The following MAST4 variants were observed in gnomAD, a reference collection of about 807,000 sequenced individuals.
The protein encoded by MAST4 is microtubule associated serine/threonine kinase family member 4.
Under a neutral mutation model 162.7 loss-of-function variants are expected in MAST4, and 89 were observed. The observed-to-expected ratio is 0.55, with a 90% CI of 0.46 to 0.65. The LOEUF is 0.65. Among genes scored for constraint, MAST4 ranks in the 30% least tolerant of loss-of-function variants. The probability of loss-of-function intolerance (pLI) is 0.00; values close to 1 mark genes in which losing one functional copy is unlikely to be tolerated. For missense variants in MAST4, 3,153 were observed against 3,374.0 expected, an observed-to-expected ratio of 0.93 and a Z score of 1.62; for synonymous variants, 1,479 against 1,361.1, an observed-to-expected ratio of 1.09 and a Z score of -1.91.
chr5:66,979,158 T>C (rs1325861717), intron 4 of MAST4, among the ~76,000 whole-genome samples: 1 of 152,162 alleles, frequency 6.6e-6, no homozygotes, highest in East Asian at 1.9e-4. Flanking sequence ...GTTAGTAATA[T>C]CGAACCTAAA....
chr5:67,107,480 G>T (rs1765725948), intron 10 of MAST4, among the ~76,000 whole-genome samples: 1 of 152,196 alleles, frequency 6.6e-6, no homozygotes, highest in Middle Eastern at 3.2e-3. Context: ...GCTTCCTTCA[G>T]CCCTTTTGTA....
chr5:66,631,110 G>A (rs1212855877), intron 1 of MAST4, among the ~76,000 whole-genome samples: 1 of 152,086 alleles, frequency 6.6e-6, no homozygotes, highest in Non-Finnish European at 1.5e-5. Context: ...CCATGGATCT[G>A]GAAACCAGGT....
chr5:66,790,849 G>A (rs1755364006), intron 3 of MAST4, among the ~76,000 whole-genome samples: 2 of 151,956 alleles, frequency 1.3e-5, no homozygotes, highest in African/African-American at 4.8e-5. Flanking sequence ...ACTTTTTAAG[G>A]AAAGAGGAAA....
intron 3 of MAST4, among the ~76,000 whole-genome samples, chr5:66,866,577 G>T (rs1760537698): frequency 6.6e-6 from 1 of 152,138 alleles, no homozygotes; most frequent in Non-Finnish European, 1.5e-5. Context: ...TACGTTCAGG[G>T]ATCTCTTTAA....
intron 4 of MAST4, among the ~76,000 whole-genome samples, chr5:66,990,572 G>A (rs1348122917): frequency 1.3e-5 from 2 of 152,288 alleles, no homozygotes; most frequent in South Asian, 2.1e-4. Flanking sequence ...CAGGGAGATC[G>A]AGGCTGTAGT....
chr5:66,919,997 T>G (rs1199243915), intron 4 of MAST4, among the ~76,000 whole-genome samples: 2 of 150,664 alleles, frequency 1.3e-5, no homozygotes, highest in East Asian at 2.0e-4. Context: ...TCTCTCTCTC[T>G]CTTTCTAATG....
Position 67,100,609 on chromosome 5 carries a change from G to A in MAST4, c.1070+17G>A, listed in dbSNP as rs1166901558. The A allele has an allele frequency of 1.2e-6, 2 of 1,613,642 alleles. No homozygotes were observed. Among genetic ancestry groups the A allele is most frequent in the East Asian group, 2.2e-5 (1 of 44,882 alleles). On this transcript the variant is annotated intron_variant, in intron 8 of 28. Transcript: ENST00000403625. ...AAGTCTGAGGTGTGTGGGCCTGGCT[G>A]AAAACCATTACTTAGTTGGATTCTC...
At chr5:66,932,420 A>T (rs1742282722) in intron 4 of MAST4, among the ~76,000 whole-genome samples, 1 of 152,188 alleles carries the variant, frequency 6.6e-6, no homozygotes, top group Admixed American at 6.5e-5. Flanking sequence ...GAGGTGACTG[A>T]GATCTCAAGG....
chr5:67,023,328 C>G (rs528036879), intron 4 of MAST4, among the ~76,000 whole-genome samples: 1 of 152,216 alleles, frequency 6.6e-6, no homozygotes, highest in East Asian at 1.9e-4. Flanking sequence ...GATAATATCC[C>G]TCATCTTTTC....
At chr5:66,727,476 C>T (rs1271139424) in intron 1 of MAST4, among the ~76,000 whole-genome samples, 1 of 152,094 alleles carries the variant, frequency 6.6e-6, no homozygotes, top group Non-Finnish European at 1.5e-5. Flanking sequence ...CTTTGTGGTC[C>T]AGTGTATCCA....
intron 1 of MAST4, among the ~76,000 whole-genome samples, chr5:66,708,567 C>T (rs1580255957): frequency 6.6e-6 from 1 of 152,124 alleles, no homozygotes; most frequent in African/African-American, 2.4e-5. Flanking sequence ...GTTCTGACCT[C>T]CTTGTCTGAA....
intron 3 of MAST4, among the ~76,000 whole-genome samples, chr5:66,866,700 C>T (rs1462857094): frequency 6.6e-6 from 1 of 152,312 alleles, no homozygotes; most frequent in East Asian, 1.9e-4. Context: ...TTATTCTTCT[C>T]TGAAAATGCA....
At chr5:67,039,687 C>A (rs1756479401) in intron 4 of MAST4, among the ~76,000 whole-genome samples, 1 of 152,150 alleles carries the variant, frequency 6.6e-6, no homozygotes, top group South Asian at 2.1e-4. Flanking sequence ...TCCTCATTAA[C>A]TGAAGCACTG....
At chr5:66,997,366 C>T (rs1206658346) in intron 4 of MAST4, among the ~76,000 whole-genome samples, 1 of 150,816 alleles carries the variant, frequency 6.6e-6, no homozygotes, top group Admixed American at 6.6e-5. Context: ...TGAGTATTAT[C>T]TTTTTTTAAT....
At chr5:67,141,243 T>A (rs1194101614) in intron 19 of MAST4, among the ~76,000 whole-genome samples, 2 of 152,234 alleles carry the variant, frequency 1.3e-5, no homozygotes, top group Non-Finnish European at 2.9e-5. Context: ...GGCTGATTAG[T>A]CCCTGTAGTA....
intron 5 of MAST4, among the ~76,000 whole-genome samples, chr5:67,089,006 G>T (rs1050092188): frequency 3.3e-5 from 5 of 152,150 alleles, no homozygotes; most frequent in African/African-American, 4.8e-5. Context: ...TACCTTTACA[G>T]CCATGTACTG....
At chr5:66,931,654 A>G (rs577104606) in intron 4 of MAST4, among the ~76,000 whole-genome samples, 1 of 152,322 alleles carries the variant, frequency 6.6e-6, no homozygotes, top group East Asian at 1.9e-4. Context: ...AAGTTTGGAA[A>G]TGGTGTTTTC....
intron 1 of MAST4, among the ~76,000 whole-genome samples, chr5:66,758,952 A>G (rs1355296190): frequency 2.0e-5 from 3 of 152,178 alleles, no homozygotes; most frequent in Non-Finnish European, 4.4e-5. Context: ...GAAGGTGAAC[A>G]TTTTAGATGG....
intron 1 of MAST4, among the ~76,000 whole-genome samples, chr5:66,688,694 A>T (rs1443271683): frequency 6.6e-6 from 1 of 152,128 alleles, no homozygotes; most frequent in Non-Finnish European, 1.5e-5. Flanking sequence ...TCTGTATGGT[A>T]CCAAATTTAC....
Sources: allele counts gnomAD v4.1 joint callset (sites outside exome capture counted in the v4.1 genomes callset), GRCh38; gene constraint gnomAD v4.1.1; transcripts MANE v1.5; gene names NCBI Gene and HGNC (gene_info 2026-07-23, HGNC 2026-07-21).